The following LUZP4 variants were observed in gnomAD, a reference collection of about 807,000 sequenced individuals.
LUZP4 encodes HOM-TES-85 tumor antigen.
A neutral mutation model predicts 8.5 loss-of-function variants in LUZP4; 11 were observed. The ratio of observed to expected loss-of-function variants is 1.30; its 90% CI spans 0.82 to 2.14. The LOEUF is 2.14. Ranked by LOEUF, LUZP4 falls within the 30% of genes most tolerant of loss-of-function variation. The probability of loss-of-function intolerance (pLI) is 0.00; values close to 1 mark genes in which losing one functional copy is unlikely to be tolerated. For synonymous variants in LUZP4, 104 were observed against 79.4 expected (o/e 1.31, Z -1.65); for missense variants, 276 against 229.7 (o/e 1.20, Z -1.30).
chrX:115,306,650 AG>A lies in LUZP4; in HGVS notation c.789del (p.Arg264GlufsTer4). Reference sequence around the variant, plus strand: ...ACTCAGAAAGATCTCATAGCCACTCAGAGAGATCTCATAGCCACTCAGAGAG... The same window carrying A: ...ACTCAGAAAGATCTCATAGCCACTCAAGAGATCTCATAGCCACTCAGAGAG... ...IATQKDLIAT[Q>X]RDLIATQRDL... On this transcript the variant is annotated frameshift_variant, in exon 4 of 4. Transcript: ENST00000371920. LOFTEE classifies it low-confidence loss of function (END_TRUNC). 2 of 1,211,021 alleles carry A rather than the reference AG, an allele frequency of 1.7e-6. No homozygotes were observed. The highest frequency in any genetic ancestry group is 2.2e-6 in the Non-Finnish European group (2 of 895,340).
In LUZP4 at chrX:115,305,642, G is replaced by C. The variant is rs1556603486; in HGVS notation, c.343-563G>C. On this transcript the variant is annotated intron_variant, in intron 3 of 3. Coordinates refer to ENST00000371920, the MANE Select transcript of LUZP4 (RefSeq NM_016383.5). ...GCTTAAAAATTGAAAAGGTAGAAAG[G>C]CTGTGTTGTTGCCAGGCTAATTTAC... Among the ~76,000 whole-genome samples, 3 of 112,608 alleles carry C rather than the reference G, an allele frequency of 2.7e-5. No individual in the cohort carries two copies. The East Asian group carries it at 8.3e-4, about 31-fold the overall frequency.
chrX:115,293,226 G>A (rs1343202078), intron 1 of LUZP4, among the ~76,000 whole-genome samples: 1 of 111,121 alleles, frequency 9.0e-6, no homozygotes, highest in African/African-American at 3.3e-5. Context: ...CTAAGAACTA[G>A]AGTGAAACAA....
In LUZP4 at chrX:115,301,940, C is replaced by T. The variant is rs187359846; in HGVS notation, c.92-52C>T. Reference sequence around the variant, plus strand: ...TAAGATATAGATTATTCACTCGAGACATTATTTGGCTTTTGCCATTTTATT... The same window carrying T: ...TAAGATATAGATTATTCACTCGAGATATTATTTGGCTTTTGCCATTTTATT... On this transcript the variant is annotated intron_variant, in intron 1 of 3. Transcript: ENST00000371920. 7.9e-5 allele frequency: 69 copies of T among 872,571 alleles called. No homozygotes were observed. The East Asian group carries it at 1.9e-3, about 24-fold the overall frequency. 71.9% of individuals were successfully genotyped at this position (872,571 alleles called of 1,213,427 possible). A position where few individuals can be genotyped will look rare whatever the true frequency, so the allele number is the denominator to read the frequency against.
At chrX:115,306,160 G>A in intron 3 of LUZP4, 45 bp from the exon 4 acceptor site, 1 of 1,146,568 alleles carries the variant, frequency 8.7e-7, no homozygotes, top group Non-Finnish European at 1.2e-6. Context: ...CTTAAATCAT[G>A]AAGTATATGT....
intron 1 of LUZP4, among the ~76,000 whole-genome samples, chrX:115,300,623 C>A (rs2073392515): frequency 9.0e-6 from 1 of 111,354 alleles, no homozygotes; most frequent in African/African-American, 3.3e-5. Flanking sequence ...TCCTCTCTGA[C>A]TGGGGCTGGT....
At chrX:115,296,851 G>A (rs1027099718) in intron 1 of LUZP4, among the ~76,000 whole-genome samples, 1 of 112,004 alleles carries the variant, frequency 8.9e-6, no homozygotes, top group Non-Finnish European at 1.9e-5. Context: ...GTTTTATGCT[G>A]GGCGTGGTAG....
At chrX:115,292,066 G>A (rs1356542738) in intron 1 of LUZP4, among the ~76,000 whole-genome samples, 14 of 112,515 alleles carry the variant, frequency 1.2e-4, no homozygotes, top group African/African-American at 3.9e-4. Context: ...GATTACAGGC[G>A]TGGGCCACCT....
chrX:115,296,085 T>A (rs782328952), intron 1 of LUZP4, among the ~76,000 whole-genome samples: 1 of 111,860 alleles, frequency 8.9e-6, no homozygotes, highest in East Asian at 2.8e-4. Context: ...TTTTTTGAGG[T>A]TTCCAGTGTT....
chrX:115,304,068 A>C (rs1263912787), intron 3 of LUZP4, among the ~76,000 whole-genome samples: 2 of 112,517 alleles, frequency 1.8e-5, no homozygotes, highest in Non-Finnish European at 3.8e-5. Context: ...GCAAATGTTT[A>C]TTTATTTGCT....
chrX:115,301,367 T>C (rs1556601492), intron 1 of LUZP4, among the ~76,000 whole-genome samples: 1 of 111,852 alleles, frequency 8.9e-6, no homozygotes, highest in Non-Finnish European at 1.9e-5. Context: ...AATTATGCCA[T>C]GTAAGTGCTT....
intron 1 of LUZP4, among the ~76,000 whole-genome samples, chrX:115,300,451 G>A (rs1042753108): frequency 1.8e-5 from 2 of 112,629 alleles, no homozygotes; most frequent in Non-Finnish European, 3.8e-5. Flanking sequence ...ATTTGTGTTG[G>A]GCTGCATTCA....
intron 2 of LUZP4, among the ~76,000 whole-genome samples, chrX:115,302,484 C>T (rs2073402018): frequency 8.9e-6 from 1 of 111,990 alleles, no homozygotes; most frequent in Non-Finnish European, 1.9e-5. Context: ...AACACTATGG[C>T]ATCCACATTT....
rs1208406323 is a variant in LUZP4, at chrX:115,307,446, C to T, written c.*642C>T. 4 of 111,692 alleles carry T rather than the reference C, an allele frequency of 3.6e-5. No individual in the cohort carries two copies. The highest frequency in any genetic ancestry group is 1.3e-4 in the African/African-American group (4 of 30,629). 9.2% of individuals were successfully genotyped at this position (111,692 alleles called of 1,213,427 possible). ...AAAACTGTTAGGGTAGGTCTGTCTA[C>T]CCTAGCAAAAGAAACACAGAAATTT... is the stretch of plus-strand genomic sequence containing the variant. On this transcript the variant is annotated 3_prime_UTR_variant, in exon 4 of 4. Transcript: ENST00000371920.
chrX:115,304,534 C>G (rs1369104937), intron 3 of LUZP4, among the ~76,000 whole-genome samples: 9 of 111,177 alleles, frequency 8.1e-5, no homozygotes, highest in Non-Finnish European at 1.3e-4. Flanking sequence ...TTTTTTGAGA[C>G]AGGGTCTCAT....
chrX:115,298,714 A>C (rs782048188), intron 1 of LUZP4, among the ~76,000 whole-genome samples: 2 of 111,229 alleles, frequency 1.8e-5, no homozygotes, highest in Admixed American at 9.6e-5. Flanking sequence ...TCTTTGCTTG[A>C]ATTTATTTGA....
Position 115,294,420 on chromosome X carries a change from T to G in LUZP4, c.91+4570T>G, listed in dbSNP as rs114767120. 5.6e-3 allele frequency among the ~76,000 whole-genome samples: 626 copies of G among 111,505 alleles called. 5 individuals carry two copies. The highest frequency in any genetic ancestry group is 0.019 in the African/African-American group (590 of 30,683). On this transcript the variant is annotated intron_variant, in intron 1 of 3. Coordinates refer to ENST00000371920, the MANE Select transcript of LUZP4 (RefSeq NM_016383.5). ...AGTTGTTGAAGATTAAATGAGAGAA[T>G]ACAGGTAATGTTCACAAAGTATGCT...
At chrX:115,299,376 C>T (rs782621444) in intron 1 of LUZP4, among the ~76,000 whole-genome samples, 5 of 111,341 alleles carry the variant, frequency 4.5e-5, no homozygotes, top group South Asian at 3.9e-4. Flanking sequence ...CTTTCCTTCA[C>T]GGTGGCAAGG....
At chrX:115,297,087 C>G (rs1459503257) in intron 1 of LUZP4, among the ~76,000 whole-genome samples, 4 of 111,844 alleles carry the variant, frequency 3.6e-5, no homozygotes, top group Non-Finnish European at 7.5e-5. Flanking sequence ...CATTCATCCT[C>G]TGAGTTACAG....
intron 1 of LUZP4, among the ~76,000 whole-genome samples, chrX:115,293,178 G>T (rs1334658915): frequency 9.0e-6 from 1 of 111,492 alleles, no homozygotes; most frequent in Non-Finnish European, 1.9e-5. Flanking sequence ...ACAGCCATCT[G>T]TCTGGCCACC....
Sources: allele counts gnomAD v4.1 joint callset (sites outside exome capture counted in the v4.1 genomes callset), GRCh38; gene constraint gnomAD v4.1.1; transcripts MANE v1.5; gene names NCBI Gene and HGNC (gene_info 2026-07-23, HGNC 2026-07-21).